Variants in MTCH2 observed in about 807,000 individuals in gnomAD.
MTCH2 encodes mitochondrial carrier homolog 2.
A neutral mutation model predicts 50.6 loss-of-function variants in MTCH2; 25 were observed. The ratio of observed to expected loss-of-function variants is 0.49; its 90% confidence interval spans 0.36 to 0.69. The LOEUF is 0.69. Among genes scored for constraint, MTCH2 ranks in the 30% least tolerant of loss-of-function variants. The pLI, the probability that MTCH2 is intolerant of heterozygous loss-of-function variation, is 0.00. For missense variants in MTCH2, 273 were observed against 384.4 expected, an observed-to-expected ratio of 0.71 and a Z score of 2.42; for synonymous variants, 106 against 132.0, an observed-to-expected ratio of 0.80 and a Z score of 1.35.
the MTCH2 span, among the ~76,000 whole-genome samples, chr11:47,610,750 A>G: frequency 2.6e-5 from 4 of 152,194 alleles, no homozygotes; most frequent in African/African-American, 9.6e-5. Context: ...CATTCTAGAC[A>G]TGAGGAGCCT....
chr11:47,639,896 T>C (rs2097312416), intron 1 of MTCH2, among the ~76,000 whole-genome samples: 2 of 152,138 alleles, frequency 1.3e-5, no homozygotes, highest in East Asian at 1.9e-4. Context: ...TAACAGCTAA[T>C]GAAGTCCATT....
chr11:47,606,824 C>T, the MTCH2 span, among the ~76,000 whole-genome samples: 7 of 152,176 alleles, frequency 4.6e-5, no homozygotes, highest in Admixed American at 4.6e-4. Context: ...CTTTTTCTTC[C>T]AGCTGAGAGG....
At chr11:47,640,958 G>A (rs1197047090) in intron 1 of MTCH2, among the ~76,000 whole-genome samples, 2 of 151,842 alleles carry the variant, frequency 1.3e-5, no homozygotes, top group Admixed American at 1.3e-4. Context: ...GTACAATGGC[G>A]CGATCTCGGC....
At chr11:47,639,693 C>A (rs2097312179) in intron 1 of MTCH2, among the ~76,000 whole-genome samples, 1 of 151,546 alleles carries the variant, frequency 6.6e-6, no homozygotes, top group Non-Finnish European at 1.5e-5. Flanking sequence ...AAAAAATTAG[C>A]CGGGCGTAGG....
At position 47,638,817 on chromosome 11, in the gene MTCH2, A is replaced by G. The variant is rs762051002; in HGVS notation, c.173-12T>C. 2 of 1,612,568 alleles carry G rather than the reference A, an allele frequency of 1.2e-6. No homozygotes were observed. The highest frequency in any genetic ancestry group is 1.7e-6 in the Non-Finnish European group (2 of 1,179,066). The stretch of plus-strand genomic sequence containing the variant: ...GGCAATGTGCTGAGCTAAGAACACA[A>G]GTCAGAGATGTTGTCAAGTTCTGGT... On this transcript the variant is annotated splice_polypyrimidine_tract_variant and intron_variant, in intron 2 of 12. Coordinates refer to ENST00000302503, the MANE Select transcript of MTCH2 (RefSeq NM_014342.4).
At chr11:47,629,314 G>C (rs1472717060) in intron 8 of MTCH2, 1 of 362,708 alleles carries the variant, frequency 2.8e-6, no homozygotes, top group African/African-American at 2.0e-5. Context: ...ATTCATAACT[G>C]TAAGCAGGGA....
the MTCH2 span, among the ~76,000 whole-genome samples, chr11:47,610,684 G>A: frequency 7.2e-5 from 11 of 152,156 alleles, no homozygotes; most frequent in Non-Finnish European, 1.6e-4. Flanking sequence ...CAGCCTGGGC[G>A]AAAGGGCAAA....
intron 3 of MTCH2, among the ~76,000 whole-genome samples, chr11:47,637,160 C>G (rs2097309480): frequency 6.6e-6 from 1 of 152,014 alleles, no homozygotes; most frequent in South Asian, 2.1e-4. Flanking sequence ...TGGCTAACAT[C>G]TGTATTTTTA....
At position 47,634,634 on chromosome 11, in the gene MTCH2, A is replaced by C. The variant is rs1243346500; in HGVS notation, c.369+38T>G. 4 of 1,514,888 alleles carry C rather than the reference A, an allele frequency of 2.6e-6. No individual in the cohort carries two copies. In the African/African-American group the frequency reaches 5.5e-5, roughly 21 times the overall value. 93.8% of individuals were successfully genotyped at this position (1,514,888 alleles called of 1,614,324 possible). A position where few individuals can be genotyped will look rare whatever the true frequency, so the allele number is the denominator to read the frequency against. On this transcript the variant is annotated intron_variant, in intron 5 of 12. Coordinates refer to ENST00000302503, the MANE Select transcript of MTCH2 (RefSeq NM_014342.4). ...TCCATAGTTGCAACACCACAGTTTG[A>C]TCTGGGCAAACAGCACAGGATGTAA...
At chr11:47,629,210 C>T (rs538394473) in intron 8 of MTCH2, 164 bp from the exon 9 acceptor site, 48 of 593,838 alleles carry the variant, frequency 8.1e-5, no homozygotes, top group Middle Eastern at 8.4e-4. Flanking sequence ...AGTTCATTCT[C>T]GTTAACACAG....
rs553916213 is a variant in MTCH2, at chr11:47,621,021, A to G, written c.825+1680T>C. Among the ~76,000 whole-genome samples, 10 of 152,316 alleles carry G rather than the reference A, an allele frequency of 6.6e-5. No homozygotes were observed. The East Asian group carries it at 1.7e-3, about 26-fold the overall frequency. On this transcript the variant is annotated intron_variant, in intron 12 of 12. Transcript: ENST00000302503. ...TCCATTCTCTGTCTGCTTTCTTCCT[A>G]TAACAGAGTGTTAGTCAGAAAAGGA...
At chr11:47,637,525 GATC>G (rs2097309832) in intron 3 of MTCH2, among the ~76,000 whole-genome samples, 1 of 152,002 alleles carries the variant, frequency 6.6e-6, no homozygotes. Flanking sequence ...CTAGAGAAGA[GATC>G]ATGAATACTG....
At chr11:47,635,996 C>T (rs1230681425) in intron 3 of MTCH2, among the ~76,000 whole-genome samples, 2 of 151,802 alleles carry the variant, frequency 1.3e-5, no homozygotes, top group Non-Finnish European at 2.9e-5. Flanking sequence ...AGCATTGGGG[C>T]GCACGCTTTT....
intron 11 of MTCH2, among the ~76,000 whole-genome samples, chr11:47,624,246 A>AAG (rs1282804355): frequency 6.6e-6 from 1 of 151,780 alleles, no homozygotes; most frequent in Non-Finnish European, 1.5e-5. Context: ...AAAAAAAAAA[A>AAG]AAGGCAAAAT....
chr11:47,604,923 CTTTTTTGTT>C, the MTCH2 span, among the ~76,000 whole-genome samples: 14 of 151,882 alleles, frequency 9.2e-5, no homozygotes, highest in African/African-American at 1.7e-4. Context: ...CCATATTTTT[CTTTTTTGTT>C]TTTTTTGTTT....
chr11:47,608,782 C>A, the MTCH2 span, among the ~76,000 whole-genome samples: 3 of 151,806 alleles, frequency 2.0e-5, no homozygotes, highest in Non-Finnish European at 4.4e-5. Flanking sequence ...CATGGTGAAA[C>A]CCCATCTCTA....
chr11:47,609,820 GAAGAC>G, the MTCH2 span, among the ~76,000 whole-genome samples: 1 of 152,130 alleles, frequency 6.6e-6, no homozygotes, highest in African/African-American at 2.4e-5. Context: ...CTGGCAGCAG[GAAGAC>G]AAGATAGAGG....
At chr11:47,610,438 C>T in the MTCH2 span, among the ~76,000 whole-genome samples, 6 of 152,154 alleles carry the variant, frequency 3.9e-5, no homozygotes, top group African/African-American at 1.4e-4. Flanking sequence ...GGCATGGTGG[C>T]TCATCCCTGT....
downstream of MTCH2, among the ~76,000 whole-genome samples, chr11:47,617,161 A>C (rs1338770412): frequency 6.6e-6 from 1 of 152,192 alleles, no homozygotes; most frequent in Non-Finnish European, 1.5e-5. Flanking sequence ...GAGCAATCCT[A>C]GGCCTTGGAG....
Sources: allele counts gnomAD v4.1 joint callset (sites outside exome capture counted in the v4.1 genomes callset), GRCh38; gene constraint gnomAD v4.1.1; transcripts MANE v1.5; gene names NCBI Gene and HGNC (gene_info 2026-07-23, HGNC 2026-07-21).